DPP6: variants seen among roughly 807,000 people sequenced by gnomAD.
The protein encoded by DPP6 is dipeptidyl peptidase like 6.
Under a neutral mutation model 122.6 loss-of-function variants are expected in DPP6, and 69 were observed. That is an observed-to-expected ratio of 0.56 (90% CI 0.46 to 0.69). The LOEUF is 0.69. Ranked by LOEUF, DPP6 falls within the 30% of genes least tolerant of loss-of-function variation. The pLI is 0.00. For synonymous variants in DPP6, 418 were observed against 433.1 expected (o/e 0.97, Z 0.43); for missense variants, 928 against 1,116.9 (o/e 0.83, Z 2.41).
At chr7:154,192,507 G>A (rs1014862408) in intron 1 of DPP6, among the ~76,000 whole-genome samples, 1 of 152,208 alleles carries the variant, frequency 6.6e-6, no homozygotes, top group Non-Finnish European at 1.5e-5. Context: ...CTTAAAGCCA[G>A]GCATAGGGAA....
intron 25 of DPP6, 45 bp downstream of exon 25, chr7:154,889,575 T>A: frequency 1.3e-6 from 2 of 1,573,746 alleles, no homozygotes; most frequent in Non-Finnish European, 1.7e-6. Context: ...AGCAAGACAT[T>A]CCTTTCATGG....
chr7:154,311,740 C>CT (rs1381778467), intron 1 of DPP6, among the ~76,000 whole-genome samples: 3 of 152,142 alleles, frequency 2.0e-5, no homozygotes, highest in Non-Finnish European at 4.4e-5. Context: ...TTTCAGGACT[C>CT]TTTACTTCTA....
chr7:154,628,955 G>A (rs1300325998), intron 5 of DPP6, among the ~76,000 whole-genome samples: 3 of 152,270 alleles, frequency 2.0e-5, no homozygotes, highest in African/African-American at 4.8e-5. Flanking sequence ...AAGGTGTGGC[G>A]GGGAATGGGG....
chr7:153,877,266 A>G, the DPP6 span, among the ~76,000 whole-genome samples: 1 of 152,164 alleles, frequency 6.6e-6, no homozygotes, highest in Non-Finnish European at 1.5e-5. Flanking sequence ...AAATAATACA[A>G]TCATACAGAT....
chr7:154,247,912 G>C (rs78647099), intron 1 of DPP6, among the ~76,000 whole-genome samples: 5,936 of 152,268 alleles, frequency 0.039, 191 homozygotes, highest in East Asian at 0.13. Context: ...CTGTTATTGT[G>C]TTAGTCGGTT....
Position 154,262,008 on chromosome 7 carries a change from G to GGAGGGAGA in DPP6, c.244-184182_244-184175dup, listed in dbSNP as rs570291443. Among the ~76,000 whole-genome samples the GGAGGGAGA allele has an allele frequency of 5.7e-3, 864 of 151,678 alleles. 14 individuals carry two copies. Among genetic ancestry groups the GGAGGGAGA allele is most frequent in the African/African-American group, 0.019 (778 of 41,286 alleles). ...GTAAGCAGGGAAGGAAGGAAGGAAGGGAGGGAGAGAGGGAGAGAGGGAGAG... is the reference window on the plus strand; with the variant it reads ...GTAAGCAGGGAAGGAAGGAAGGAAGGGAGGGAGAGAGGGAGAGAGGGAGAGAGGGAGAG... On this transcript the variant is annotated intron_variant, in intron 1 of 25. Coordinates refer to ENST00000377770, the MANE Select transcript of DPP6 (RefSeq NM_130797.4).
intron 1 of DPP6, among the ~76,000 whole-genome samples, chr7:153,994,808 A>G (rs551959484): frequency 6.6e-6 from 1 of 152,126 alleles, no homozygotes. Flanking sequence ...CCTATGAAAG[A>G]CTAAAATTAT....
At chr7:154,764,274 T>C (rs977248704) in intron 8 of DPP6, among the ~76,000 whole-genome samples, 1 of 152,154 alleles carries the variant, frequency 6.6e-6, no homozygotes, top group Admixed American at 6.5e-5. Context: ...TCTGATGTTA[T>C]ACTAAGGACC....
chr7:154,153,299 C>T (rs1011836241), intron 1 of DPP6, among the ~76,000 whole-genome samples: 1 of 151,470 alleles, frequency 6.6e-6, no homozygotes, highest in Non-Finnish European at 1.5e-5. Context: ...GATTGTCCTG[C>T]CTCAGCCTCC....
At chr7:154,842,672 G>A (rs1057223664) in intron 16 of DPP6, among the ~76,000 whole-genome samples, 1 of 152,038 alleles carries the variant, frequency 6.6e-6, no homozygotes, top group Admixed American at 6.5e-5. Flanking sequence ...GCTTCCATTT[G>A]TTTATTTTCC....
At chr7:154,061,048 A>G (rs777154491) in intron 1 of DPP6, among the ~76,000 whole-genome samples, 3,798 of 105,030 alleles carry the variant, frequency 0.036, 45 homozygotes, top group South Asian at 0.061. Context: ...CTTATGTGGG[A>G]TTTACGATCC....
At chr7:153,932,841 C>A (rs1192620650) in intron 1 of DPP6, among the ~76,000 whole-genome samples, 1 of 152,164 alleles carries the variant, frequency 6.6e-6, no homozygotes, top group Non-Finnish European at 1.5e-5. Flanking sequence ...TGTGTCCCCA[C>A]CCAAATCTCA....
At chr7:154,147,144 T>A (rs550297375) in intron 1 of DPP6, among the ~76,000 whole-genome samples, 1 of 152,334 alleles carries the variant, frequency 6.6e-6, no homozygotes, top group Non-Finnish European at 1.5e-5. Context: ...TCATGAAATC[T>A]TGGCTTTTCT....
intron 1 of DPP6, among the ~76,000 whole-genome samples, chr7:154,064,731 T>C (rs1237074505): frequency 6.6e-6 from 1 of 152,178 alleles, no homozygotes; most frequent in Non-Finnish European, 1.5e-5. Context: ...TTACAGTTCC[T>C]AACGAGAGAG....
rs1364624770 is a variant in DPP6 at position 154,013,223 on chromosome 7, A to AT, written c.51+125492dup. Among the ~76,000 whole-genome samples the AT allele has an allele frequency of 1.8e-3, 267 of 152,198 alleles. 2 individuals are homozygous for AT. Among genetic ancestry groups the AT allele is most frequent in the African/African-American group, 6.2e-3 (256 of 41,528 alleles). ...CTTCCTAAAAACACTTGCTTTATAT[A>AT]TTTCCCTAGTTGTGTAATTGTTTAT... On this transcript the variant is annotated intron_variant, in intron 1 of 25. Coordinates refer to the DPP6 transcript ENST00000404039.
intron 1 of DPP6, among the ~76,000 whole-genome samples, chr7:154,143,791 T>C (rs2150667558): frequency 6.6e-6 from 1 of 152,176 alleles, no homozygotes; most frequent in African/African-American, 2.4e-5. Flanking sequence ...ATTCATTTCT[T>C]GGGCTATAGC....
At chr7:154,788,378 A>T (rs1269407022) in intron 10 of DPP6, among the ~76,000 whole-genome samples, 1 of 151,552 alleles carries the variant, frequency 6.6e-6, no homozygotes, top group African/African-American at 2.4e-5. Context: ...CAGGAAGTGG[A>T]GGTTGCAGTG....
chr7:153,863,322 T>C, the DPP6 span, among the ~76,000 whole-genome samples: 1 of 152,190 alleles, frequency 6.6e-6, no homozygotes, highest in Non-Finnish European at 1.5e-5. Context: ...ATTTTCTTTA[T>C]CCGGTCTATC....
intron 18 of DPP6, among the ~76,000 whole-genome samples, chr7:154,871,203 T>C (rs1804367393): frequency 6.6e-6 from 1 of 152,178 alleles, no homozygotes; most frequent in South Asian, 2.1e-4. Flanking sequence ...CACTGGTGTG[T>C]GACTGTCATC....
Sources: gnomAD v4.1 joint callset for allele counts (sites outside exome capture counted in the v4.1 genomes callset) on GRCh38, gnomAD v4.1.1 for gene constraint, MANE v1.5 for transcripts, NCBI Gene and HGNC (gene_info 2026-07-23, HGNC 2026-07-21) for gene names.